Variants in PALM2AKAP2 observed in about 807,000 individuals in gnomAD.
PALM2AKAP2 encodes PALM2 and AKAP2 fusion.
Under a neutral mutation model 71.5 loss-of-function variants are expected in PALM2AKAP2, and 37 were observed. That is an observed-to-expected ratio of 0.52 (90% CI 0.40 to 0.68). PALM2AKAP2 has a LOEUF of 0.68. PALM2AKAP2 is among the 30% of genes least tolerant of loss of function. The pLI, the probability that PALM2AKAP2 is intolerant of heterozygous loss-of-function variation, is 0.00. For missense variants in PALM2AKAP2, 1,224 were observed against 1,191.8 expected, an observed-to-expected ratio of 1.03 and a Z score of -0.40; for synonymous variants, 468 against 478.8, an observed-to-expected ratio of 0.98 and a Z score of 0.29.
intron 3 of PALM2AKAP2, among the ~76,000 whole-genome samples, chr9:110,167,865 G>A (rs146052337): frequency 4.4e-4 from 67 of 152,246 alleles, no homozygotes; most frequent in African/African-American, 1.6e-3. Flanking sequence ...ACCATCTATA[G>A]TGTGCTGTCT....
At chr9:109,712,572 G>A (rs1447843370) in intron 1 of PALM2AKAP2, among the ~76,000 whole-genome samples, 6 of 152,206 alleles carry the variant, frequency 3.9e-5, no homozygotes, top group Non-Finnish European at 7.4e-5. Context: ...GCTGCAGAAG[G>A]AATATGGTTT....
At chr9:110,027,215 T>C (rs1049942639) in intron 7 of PALM2AKAP2, among the ~76,000 whole-genome samples, 1 of 152,206 alleles carries the variant, frequency 6.6e-6, no homozygotes, top group African/African-American at 2.4e-5. Context: ...CTTATCCAGC[T>C]GGTGCCTTGC....
intron 1 of PALM2AKAP2, among the ~76,000 whole-genome samples, chr9:109,654,750 G>GGTGT (rs374397482): frequency 0.047 from 6,919 of 147,198 alleles, 222 homozygotes; most frequent in East Asian, 0.15. Flanking sequence ...GTATGTGTAT[G>GGTGT]GTGTGTGTGT....
At chr9:109,670,518 A>G (rs1827557745) in intron 1 of PALM2AKAP2, among the ~76,000 whole-genome samples, 1 of 152,144 alleles carries the variant, frequency 6.6e-6, no homozygotes, top group South Asian at 2.1e-4. Context: ...CCAGTCTACC[A>G]TTGATGGATA....
chr9:110,115,385 C>G (rs951111557), intron 1 of PALM2AKAP2, among the ~76,000 whole-genome samples: 11 of 152,322 alleles, frequency 7.2e-5, no homozygotes, highest in African/African-American at 2.6e-4. Flanking sequence ...CTCAGAATCC[C>G]TTGTAGAGAG....
chr9:109,811,482 G>A (rs1359181682), intron 1 of PALM2AKAP2, among the ~76,000 whole-genome samples: 2 of 151,912 alleles, frequency 1.3e-5, no homozygotes, highest in Non-Finnish European at 2.9e-5. Context: ...TGGAAAGTTA[G>A]TATGTTAAAA....
At chr9:110,049,288 G>T (rs757661948) in intron 1 of PALM2AKAP2, among the ~76,000 whole-genome samples, 30 of 152,184 alleles carry the variant, frequency 2.0e-4, no homozygotes, top group Non-Finnish European at 4.1e-4. Flanking sequence ...AGCTCGCGAG[G>T]AAGGCGCGGG....
chr9:109,694,540 C>T (rs1380079226), intron 1 of PALM2AKAP2, among the ~76,000 whole-genome samples: 1 of 151,810 alleles, frequency 6.6e-6, no homozygotes, highest in Non-Finnish European at 1.5e-5. Context: ...AAGAAATCTT[C>T]AAAACACTAT....
chr9:109,662,538 G>A (rs1035477727), intron 1 of PALM2AKAP2, among the ~76,000 whole-genome samples: 10 of 152,256 alleles, frequency 6.6e-5, no homozygotes, highest in Middle Eastern at 3.4e-3. Flanking sequence ...TGGTGGATAA[G>A]CTTTTTGATG....
intron 1 of PALM2AKAP2, among the ~76,000 whole-genome samples, chr9:109,842,864 A>G (rs2131592772): frequency 6.6e-6 from 1 of 152,064 alleles, no homozygotes; most frequent in East Asian, 1.9e-4. Context: ...AAAATCAAAC[A>G]GTTCGGTGGC....
At chr9:109,867,280 C>A in intron 1 of PALM2AKAP2, 1 of 506,672 alleles carries the variant, frequency 2.0e-6, no homozygotes, top group South Asian at 1.9e-5. Context: ...GAGAATTTCT[C>A]CCACTCTTCG....
intron 3 of PALM2AKAP2, among the ~76,000 whole-genome samples, chr9:109,883,136 A>G (rs1829892190): frequency 6.6e-6 from 1 of 152,198 alleles, no homozygotes; most frequent in South Asian, 2.1e-4. Flanking sequence ...TAAATTGACC[A>G]TTGGAAGGAG....
chr9:109,644,982 ACTGTTT>A (rs1768172602), intron 1 of PALM2AKAP2, among the ~76,000 whole-genome samples: 8 of 152,066 alleles, frequency 5.3e-5, no homozygotes, highest in African/African-American at 1.4e-4. Flanking sequence ...AGCCCTCCAA[ACTGTTT>A]CAACCTCTGC....
At chr9:109,752,920 T>C (rs1032395786) in intron 1 of PALM2AKAP2, among the ~76,000 whole-genome samples, 1 of 152,086 alleles carries the variant, frequency 6.6e-6, no homozygotes, top group Non-Finnish European at 1.5e-5. Context: ...CAACTGGCTT[T>C]GGAATATTAC....
At chr9:109,869,495 AT>A (rs35676745) in intron 2 of PALM2AKAP2, among the ~76,000 whole-genome samples, 483 of 142,122 alleles carry the variant, frequency 3.4e-3, no homozygotes, top group Middle Eastern at 3.6e-3. Context: ...CGCCCAGCTA[AT>A]TTTTTTTTTT....
intron 1 of PALM2AKAP2, among the ~76,000 whole-genome samples, chr9:109,693,303 C>T (rs1423369496): frequency 6.6e-6 from 1 of 151,902 alleles, no homozygotes; most frequent in Non-Finnish European, 1.5e-5. Context: ...TGTAGGATCT[C>T]TGAGCAGTTT....
rs377489153 is a variant in PALM2AKAP2 at position 110,077,812 on chromosome 9, G to A, written c.156+28957G>A. Among the ~76,000 whole-genome samples, 317 of 152,158 alleles carry A rather than the reference G, an allele frequency of 2.1e-3. 2 individuals carry two copies. Among genetic ancestry groups the A allele is most frequent in the South Asian group, 0.013 (62 of 4,808 alleles). ...GGTCGGATCACGAGGTCAGGAGTTC[G>A]AGACCAGCCTGACCAACATGGTGAA... is the stretch of plus-strand genomic sequence containing the variant. On this transcript the variant is annotated intron_variant, in intron 1 of 3. Coordinates refer to ENST00000374525, the Ensembl canonical transcript of PALM2AKAP2.
chr9:109,795,862 G>A (rs1164634733), intron 1 of PALM2AKAP2, among the ~76,000 whole-genome samples: 1 of 152,190 alleles, frequency 6.6e-6, no homozygotes, highest in African/African-American at 2.4e-5. Context: ...TGAGGAAAGG[G>A]CACCTTTTCT....
chr9:110,095,874 CTT>C (rs1162864103), intron 1 of PALM2AKAP2, among the ~76,000 whole-genome samples: 1 of 152,158 alleles, frequency 6.6e-6, no homozygotes, highest in Non-Finnish European at 1.5e-5. Flanking sequence ...TTCTTGTCCT[CTT>C]TTGGGGCTGG....
Sources: allele counts gnomAD v4.1 joint callset (sites outside exome capture counted in the v4.1 genomes callset), GRCh38; gene constraint gnomAD v4.1.1; transcripts MANE v1.5; gene names NCBI Gene and HGNC (gene_info 2026-07-23, HGNC 2026-07-21).